CTNND2: variants seen among roughly 807,000 people sequenced by gnomAD.
CTNND2 encodes the protein catenin delta-2.
Under a neutral mutation model 144.4 loss-of-function variants are expected in CTNND2, and 22 were observed. That is an observed-to-expected ratio of 0.15 (90% CI 0.11 to 0.22). The LOEUF (loss-of-function observed/expected upper bound fraction) is 0.22, where lower values mean the gene tolerates loss of function less well. CTNND2 is among the 10% of genes least tolerant of loss of function. CTNND2 has a pLI of 1.00. For synonymous variants in CTNND2, 751 were observed against 695.6 expected, an observed-to-expected ratio of 1.08 and a Z score of -1.25; for missense variants, 1,353 against 1,618.8, an observed-to-expected ratio of 0.84 and a Z score of 2.82.
chr5:11,621,064 G>T (rs1222359340), intron 2 of CTNND2, among the ~76,000 whole-genome samples: 1 of 152,142 alleles, frequency 6.6e-6, no homozygotes, highest in Non-Finnish European at 1.5e-5. Context: ...TGAAAGAACG[G>T]TGTATATGTG....
intron 13 of CTNND2, among the ~76,000 whole-genome samples, chr5:11,114,222 C>T (rs750303140): frequency 6.6e-6 from 1 of 152,204 alleles, no homozygotes; most frequent in Non-Finnish European, 1.5e-5. Flanking sequence ...TCTCATCCCA[C>T]TGTTCGTCTT....
chr5:11,696,895 G>C (rs1785164399), intron 2 of CTNND2, among the ~76,000 whole-genome samples: 1 of 152,184 alleles, frequency 6.6e-6, no homozygotes, highest in African/African-American at 2.4e-5. Flanking sequence ...CTCACTTAAA[G>C]ATACATTTTT....
intron 3 of CTNND2, among the ~76,000 whole-genome samples, chr5:11,464,578 G>A (rs895352322): frequency 6.6e-6 from 1 of 152,148 alleles, no homozygotes; most frequent in Non-Finnish European, 1.5e-5. Flanking sequence ...GAAGTAGGGA[G>A]TGAAGTGATC....
chr5:11,240,386 T>TCAAACACACACCGAACA (rs147304815), intron 9 of CTNND2, among the ~76,000 whole-genome samples: 2 of 93,808 alleles, frequency 2.1e-5, no homozygotes, highest in South Asian at 8.0e-4. Context: ...ACACATACAC[T>TCAAACACACACCGAACA]CACACACCCA....
At chr5:11,677,731 G>A (rs1361314524) in intron 2 of CTNND2, among the ~76,000 whole-genome samples, 1 of 152,092 alleles carries the variant, frequency 6.6e-6, no homozygotes, top group Non-Finnish European at 1.5e-5. Flanking sequence ...CCGTGAAAGG[G>A]AACACTACAA....
intron 9 of CTNND2, among the ~76,000 whole-genome samples, chr5:11,322,295 AT>A (rs1454476178): frequency 6.6e-6 from 1 of 152,068 alleles, no homozygotes; most frequent in Non-Finnish European, 1.5e-5. Flanking sequence ...CAGGTCTGTC[AT>A]TTTCCCGCAG....
At chr5:11,343,788 T>G (rs1035161552) in intron 9 of CTNND2, among the ~76,000 whole-genome samples, 1 of 152,156 alleles carries the variant, frequency 6.6e-6, no homozygotes, top group Admixed American at 6.5e-5. Context: ...ACTTTGAAGA[T>G]TGTAATGTGC....
At chr5:11,567,712 CTTTA>C (rs1304167013) in intron 2 of CTNND2, among the ~76,000 whole-genome samples, 1 of 152,126 alleles carries the variant, frequency 6.6e-6, no homozygotes, top group Non-Finnish European at 1.5e-5. Context: ...TCATTCATGA[CTTTA>C]TTTAACTTTT....
chr5:11,311,596 C>T (rs1386640469), intron 9 of CTNND2, among the ~76,000 whole-genome samples: 81 of 139,256 alleles, frequency 5.8e-4, no homozygotes, highest in African/African-American at 2.0e-3. Context: ...CACATACATA[C>T]TCTCACACAC....
At position 11,604,802 on chromosome 5, in the gene CTNND2, C is replaced by A. The variant is rs958913562; in HGVS notation, c.175-39746G>T. Among the ~76,000 whole-genome samples the A allele has an allele frequency of 9.2e-5, 14 of 152,278 alleles. No homozygotes were observed. The East Asian group carries it at 2.7e-3, about 29-fold the overall frequency. On this transcript the variant is annotated intron_variant, in intron 2 of 21. Coordinates refer to ENST00000304623, the MANE Select transcript of CTNND2 (RefSeq NM_001332.4). ...GAAGCATTTATAATACCAAGTACATCAGTGGAGGAATGAGGGAGATATTCA... is the reference window on the plus strand; with the variant it reads ...GAAGCATTTATAATACCAAGTACATAAGTGGAGGAATGAGGGAGATATTCA...
At chr5:11,442,367 T>A (rs571399870) in intron 3 of CTNND2, among the ~76,000 whole-genome samples, 1 of 152,284 alleles carries the variant, frequency 6.6e-6, no homozygotes, top group South Asian at 2.1e-4. Context: ...ATCTAATTAG[T>A]TTGTTGCAGA....
chr5:11,257,402 C>A (rs185343866), intron 9 of CTNND2, among the ~76,000 whole-genome samples: 2 of 152,220 alleles, frequency 1.3e-5, no homozygotes, highest in Non-Finnish European at 2.9e-5. Context: ...AAGAAATAAC[C>A]AAGACTGGGT....
chr5:11,803,004 T>A (rs1255635011), intron 1 of CTNND2, among the ~76,000 whole-genome samples: 2 of 152,124 alleles, frequency 1.3e-5, no homozygotes, highest in Admixed American at 1.3e-4. Context: ...AAAGGTAAGT[T>A]CATGCGAGAC....
chr5:11,619,343 G>T (rs1780726444), intron 2 of CTNND2, among the ~76,000 whole-genome samples: 1 of 152,192 alleles, frequency 6.6e-6, no homozygotes, highest in African/African-American at 2.4e-5. Context: ...GGCAGGCAGA[G>T]GTTGCATTGA....
At chr5:11,416,870 G>C (rs1194275936) in intron 3 of CTNND2, among the ~76,000 whole-genome samples, 5 of 152,054 alleles carry the variant, frequency 3.3e-5, no homozygotes, top group Admixed American at 2.6e-4. Context: ...AAAGACTATA[G>C]ACATAATTTT....
intron 3 of CTNND2, among the ~76,000 whole-genome samples, chr5:11,494,390 C>T (rs1444326118): frequency 6.6e-6 from 1 of 151,306 alleles, no homozygotes; most frequent in Non-Finnish European, 1.5e-5. Flanking sequence ...CGTCTGTTTA[C>T]AAAAAAAGAG....
intron 2 of CTNND2, among the ~76,000 whole-genome samples, chr5:11,670,720 CTT>C (rs1489192931): frequency 6.6e-6 from 1 of 152,098 alleles, no homozygotes; most frequent in Non-Finnish European, 1.5e-5. Flanking sequence ...GGTCTTGACT[CTT>C]TATCCAATTT....
chr5:11,084,005 G>C, intron 15 of CTNND2: 1 of 997,916 alleles, frequency 1.0e-6, no homozygotes, highest in South Asian at 2.7e-5. Flanking sequence ...TCCTACATTA[G>C]AAATCACATT....
intron 1 of CTNND2, among the ~76,000 whole-genome samples, chr5:11,782,236 G>T (rs190822699): frequency 3.9e-5 from 6 of 152,090 alleles, no homozygotes; most frequent in African/African-American, 1.4e-4. Context: ...CCCAGTCTCG[G>T]ATATTTCTAT....
Sources: gnomAD v4.1 joint callset for allele counts (sites outside exome capture counted in the v4.1 genomes callset) on GRCh38, gnomAD v4.1.1 for gene constraint, MANE v1.5 for transcripts, NCBI Gene and HGNC (gene_info 2026-07-23, HGNC 2026-07-21) for gene names.